Variants in CEP85L observed in about 807,000 individuals in gnomAD.
The protein encoded by CEP85L is centrosomal protein 85L.
A neutral mutation model predicts 100.3 loss-of-function variants in CEP85L; 60 were observed. That is an observed-to-expected ratio of 0.60 (90% CI 0.49 to 0.74). The LOEUF (loss-of-function observed/expected upper bound fraction) is 0.74, where lower values mean the gene tolerates loss of function less well. Ranked by LOEUF, CEP85L falls within the 30% of genes least tolerant of loss-of-function variation. CEP85L has a pLI of 0.00. For synonymous variants in CEP85L, 319 were observed against 322.7 expected (o/e 0.99, Z 0.12); for missense variants, 973 against 936.2 (o/e 1.04, Z -0.51).
At chr6:118,578,340 A>G (rs780777033) in intron 2 of CEP85L, among the ~76,000 whole-genome samples, 2 of 152,204 alleles carry the variant, frequency 1.3e-5, no homozygotes, top group Admixed American at 1.3e-4. Flanking sequence ...CACCATATTT[A>G]GAAAGGTTTA....
chr6:118,502,477 C>T, intron 5 of CEP85L: 1 of 525,698 alleles, frequency 1.9e-6, no homozygotes, highest in South Asian at 1.6e-5. Context: ...ACACTTGACA[C>T]AGCAAAACAA....
chr6:118,678,209 T>C (rs954648443), intron 1 of CEP85L, among the ~76,000 whole-genome samples: 1 of 152,218 alleles, frequency 6.6e-6, no homozygotes, highest in Non-Finnish European at 1.5e-5. Context: ...CAATAAAGGT[T>C]GCTCAGCCCA....
At chr6:118,492,543 G>A (rs909571782) in intron 5 of CEP85L, among the ~76,000 whole-genome samples, 1 of 152,100 alleles carries the variant, frequency 6.6e-6, no homozygotes, top group South Asian at 2.1e-4. Flanking sequence ...TCTCCCCCAT[G>A]TAGGATTAAA....
intron 3 of CEP85L, among the ~76,000 whole-genome samples, chr6:118,529,387 C>T (rs2114816848): frequency 6.6e-6 from 1 of 152,068 alleles, no homozygotes; most frequent in East Asian, 1.9e-4. Context: ...GTGGGTGGAT[C>T]ACAAGGTCAG....
At chr6:118,702,302 G>T (rs868145627) in intron 1 of CEP85L, among the ~76,000 whole-genome samples, 2 of 151,864 alleles carry the variant, frequency 1.3e-5, no homozygotes, top group Non-Finnish European at 2.9e-5. Flanking sequence ...CTTGAGCCCA[G>T]GAGTTCAAGA....
intron 1 of CEP85L, among the ~76,000 whole-genome samples, chr6:118,683,179 CT>C (rs1776724300): frequency 1.3e-5 from 2 of 152,116 alleles, no homozygotes; most frequent in South Asian, 4.1e-4. Context: ...TTTGAGGGCT[CT>C]TATACTATGA....
chr6:118,694,604 A>G (rs781399682), intron 1 of CEP85L, among the ~76,000 whole-genome samples: 1 of 152,162 alleles, frequency 6.6e-6, no homozygotes, highest in Non-Finnish European at 1.5e-5. Context: ...TAAAACCCCT[A>G]CAATCTCTCT....
intron 1 of CEP85L, among the ~76,000 whole-genome samples, chr6:118,645,591 G>A (rs892017023): frequency 1.3e-5 from 2 of 152,182 alleles, no homozygotes; most frequent in African/African-American, 4.8e-5. Flanking sequence ...AGGACTGCTT[G>A]ATCCTGGCAG....
At chr6:118,669,968 T>C (rs565266624) in intron 1 of CEP85L, among the ~76,000 whole-genome samples, 1 of 150,104 alleles carries the variant, frequency 6.7e-6, no homozygotes, top group Non-Finnish European at 1.5e-5. Flanking sequence ...CAACTTTGTA[T>C]CTTCGAGGTA....
At chr6:118,690,169 T>C (rs1312579259) in intron 1 of CEP85L, among the ~76,000 whole-genome samples, 1 of 152,204 alleles carries the variant, frequency 6.6e-6, no homozygotes, top group African/African-American at 2.4e-5. Context: ...TGGAGACCAT[T>C]TTCTACACTT....
rs568695123 is a variant in CEP85L at position 118,572,076 on chromosome 6, G to A, written c.233-5760C>T. 7.2e-5 allele frequency among the ~76,000 whole-genome samples: 11 copies of A among 151,952 alleles called. No homozygotes were observed. In the South Asian group the frequency reaches 1.0e-3, roughly 14 times the overall value. On this transcript the variant is annotated intron_variant, in intron 2 of 12. Transcript: ENST00000368491. Reference sequence around the variant, plus strand: ...TCTCCATGTTGGTCAGGCTGGTCTCGAACTCCCAACCTCATGTGATCTGCC... The same window carrying A: ...TCTCCATGTTGGTCAGGCTGGTCTCAAACTCCCAACCTCATGTGATCTGCC...
At chr6:118,649,546 G>A (rs1196165124) in intron 1 of CEP85L, among the ~76,000 whole-genome samples, 2 of 152,058 alleles carry the variant, frequency 1.3e-5, no homozygotes, top group Non-Finnish European at 2.9e-5. Flanking sequence ...ATTTTAATAG[G>A]TTAGATTGCA....
chr6:118,490,862 G>A (rs1233140846), intron 6 of CEP85L, among the ~76,000 whole-genome samples: 1 of 152,056 alleles, frequency 6.6e-6, no homozygotes, highest in Non-Finnish European at 1.5e-5. Context: ...TCCATGAAAA[G>A]TCAAAATTAT....
intron 2 of CEP85L, among the ~76,000 whole-genome samples, chr6:118,581,632 T>C (rs570528801): frequency 1.1e-3 from 166 of 152,128 alleles, no homozygotes; most frequent in African/African-American, 3.8e-3. Context: ...GGAGACTAGT[T>C]AGAGGAATGC....
chr6:118,483,933 T>C, intron 6 of CEP85L, 75 bp from the exon 7 acceptor site: 4 of 1,324,658 alleles, frequency 3.0e-6, no homozygotes, highest in South Asian at 1.4e-5. Context: ...ACTTTAATAT[T>C]AGACACCATT....
At chr6:118,683,904 C>T (rs1333155711) in intron 1 of CEP85L, among the ~76,000 whole-genome samples, 1 of 152,184 alleles carries the variant, frequency 6.6e-6, no homozygotes, top group African/African-American at 2.4e-5. Context: ...AGATGCAGGA[C>T]ACAGAGTTGC....
intron 7 of CEP85L, 98 bp from the exon 8 acceptor site, chr6:118,482,031 CTA>C (rs1491387338): frequency 4.3e-5 from 16 of 372,602 alleles, no homozygotes; most frequent in Non-Finnish European, 5.5e-5. Flanking sequence ...AGACTTGTAG[CTA>C]AAAAAAAAAA....
At chr6:118,545,276 T>A (rs1778129789) in intron 3 of CEP85L, among the ~76,000 whole-genome samples, 1 of 152,158 alleles carries the variant, frequency 6.6e-6, no homozygotes, top group Non-Finnish European at 1.5e-5. Flanking sequence ...ACTACATACA[T>A]CACAGTGCCC....
Position 118,596,985 on chromosome 6 carries a change from C to T in CEP85L, c.233-30669G>A, listed in dbSNP as rs1013456946. On this transcript the variant is annotated intron_variant, in intron 2 of 12. Coordinates refer to ENST00000368491, the MANE Select transcript of CEP85L (RefSeq NM_001042475.3). ...GTGGGAGGTAATTTCATCATGGGGG[C>T]GGCTGCCCCATGCTGTTCTCATGAT... Among the ~76,000 whole-genome samples, 8 of 152,250 alleles carry T rather than the reference C, an allele frequency of 5.3e-5. 1 individual carries two copies. Among genetic ancestry groups the T allele is most frequent in the Admixed American group, 1.3e-4 (2 of 15,302 alleles).
Sources: allele counts gnomAD v4.1 joint callset (sites outside exome capture counted in the v4.1 genomes callset), GRCh38; gene constraint gnomAD v4.1.1; transcripts MANE v1.5; gene names NCBI Gene and HGNC (gene_info 2026-07-23, HGNC 2026-07-21).